The following ZNF316 variants were observed in gnomAD, a reference collection of about 807,000 sequenced individuals.
ZNF316 encodes the protein zinc finger protein 316.
A neutral mutation model predicts 75.6 loss-of-function variants in ZNF316; 23 were observed. The ratio of observed to expected loss-of-function variants is 0.30; its 90% CI spans 0.22 to 0.43. The LOEUF is 0.43. Ranked by LOEUF, ZNF316 falls within the 20% of genes least tolerant of loss-of-function variation. The probability of loss-of-function intolerance (pLI) is 1.00; values close to 1 mark genes in which losing one functional copy is unlikely to be tolerated. For synonymous variants in ZNF316, 827 were observed against 666.2 expected, an observed-to-expected ratio of 1.24 and a Z score of -3.72; for missense variants, 1,266 against 1,409.4, an observed-to-expected ratio of 0.90 and a Z score of 1.63.
chr7:6,645,855 G>A lies in ZNF316; in HGVS notation c.706+1262G>A, dbSNP rs376361749. On this transcript the variant is annotated intron_variant, in intron 8 of 8. Coordinates refer to ENST00000382252, the MANE Select transcript of ZNF316 (RefSeq NM_001278559.2). ...CTAAAAATACAAAAATTAGCTGGGT[G>A]TGGTGGTGCGCGCCTGTAGTCCCAG... Among the ~76,000 whole-genome samples, 10 of 151,710 alleles carry A rather than the reference G, an allele frequency of 6.6e-5. No homozygotes were observed. In the East Asian group the frequency reaches 1.7e-3, roughly 26 times the overall value.
chr7:6,641,249 G>A (rs1177553377), intron 3 of ZNF316, among the ~76,000 whole-genome samples: 1 of 152,356 alleles, frequency 6.6e-6, no homozygotes, highest in East Asian at 1.9e-4. Flanking sequence ...TGGCCAAGTG[G>A]CCTGACATTC....
intron 2 of ZNF316, among the ~76,000 whole-genome samples, chr7:6,638,511 C>G (rs1779258855): frequency 6.6e-6 from 1 of 152,324 alleles, no homozygotes. Flanking sequence ...GAGTTTCTAT[C>G]AACTTTCAAG....
intron 8 of ZNF316, among the ~76,000 whole-genome samples, chr7:6,649,635 C>T (rs1779469448): frequency 1.3e-5 from 2 of 152,140 alleles, no homozygotes; most frequent in South Asian, 4.1e-4. Flanking sequence ...GGACCCTTCC[C>T]AGGGGCCCTG....
rs776046989 is a variant in ZNF316 at position 6,642,105 on chromosome 7, C to G, written c.-29+143C>G. ...CTCCAGGAAAGAGCAGCAGTTCACA[C>G]CAGGCACGTAGTTCTTGGTGAAAAG... On this transcript the variant is annotated intron_variant, in intron 4 of 8. Coordinates refer to ENST00000382252, the MANE Select transcript of ZNF316 (RefSeq NM_001278559.2). The surrounding 1 kb of genome is among the most constrained non-coding windows in gnomAD (Gnocchi z 8.1). The G allele has an allele frequency of 6.6e-6, 2 of 303,320 alleles. No individual in the cohort carries two copies. The highest frequency in any genetic ancestry group is 4.3e-5 in the African/African-American group (2 of 46,588). The allele number at this position is 303,320 out of a possible 1,614,324, so 18.8% of individuals were successfully genotyped here.
chr7:6,644,279 G>T (rs2253770), intron 7 of ZNF316, among the ~76,000 whole-genome samples: 5 of 151,820 alleles, frequency 3.3e-5, no homozygotes, highest in Admixed American at 2.0e-4. Flanking sequence ...GTGTTGGGGG[G>T]GCTTGGTGGG....
intron 8 of ZNF316, among the ~76,000 whole-genome samples, chr7:6,650,936 C>G (rs1055098495): frequency 2.0e-5 from 3 of 152,304 alleles, no homozygotes; most frequent in Middle Eastern, 3.4e-3. Context: ...AGGAGCCCCA[C>G]CGAGCCAGCT....
rs1208264723 is a variant in ZNF316 at position 6,652,743 on chromosome 7, G to C, written c.1147G>C (p.Val383Leu). ...FGCEECGKGFVYRSHLAIHQR... is the reference protein window; with the variant it reads ...FGCEECGKGFLYRSHLAIHQR... Reference sequence around the variant, plus strand: ...CTGCGAGGAGTGCGGCAAGGGCTTCGTGTACCGCTCGCACTTGGCCATCCA... The same window carrying C: ...CTGCGAGGAGTGCGGCAAGGGCTTCCTGTACCGCTCGCACTTGGCCATCCA... Residue 383 changes from valine (V) to leucine (L), a missense_variant, in exon 9 of 9, where the codon GTG (valine) becomes CTG (leucine). Val to Leu is a conservative substitution (Grantham distance 32, BLOSUM62 1). Coordinates refer to ENST00000382252, the MANE Select transcript of ZNF316 (RefSeq NM_001278559.2). 3.2e-6 allele frequency: 4 copies of C among 1,254,294 alleles called. No individual in the cohort carries two copies. The highest frequency in any genetic ancestry group is 3.0e-6 in the Non-Finnish European group (3 of 999,074). The allele number at this position is 1,254,294 out of a possible 1,614,324, so 77.7% of individuals were successfully genotyped here. A position where few individuals can be genotyped will look rare whatever the true frequency, so the allele number is the denominator to read the frequency against.
At position 6,653,283 on chromosome 7, in the gene ZNF316, G is replaced by A; in HGVS notation, c.1687G>A (p.Ala563Thr). The stretch of plus-strand genomic sequence containing the variant: ...GGAGAGAGAGGAGGCGGCGGTGGCG[G>A]CGCCCACCCCCAGCGGCAAGGTGGA... ...AEEREEAAVA[A>T]PTPSGKVDPA... is the part of the protein sequence containing the mutation. Residue 563 changes from alanine to threonine, a missense_variant, in exon 9 of 9, where the codon GCG (alanine) becomes ACG (threonine). Coordinates refer to ENST00000382252, the MANE Select transcript of ZNF316 (RefSeq NM_001278559.2). 2.4e-6 allele frequency: 3 copies of A among 1,227,658 alleles called. No homozygotes were observed. Among genetic ancestry groups the A allele is most frequent in the Non-Finnish European group, 3.0e-6 (3 of 985,966 alleles). 76.0% of individuals were successfully genotyped at this position (1,227,658 alleles called of 1,614,324 possible).
At chr7:6,641,639 C>T (rs1398761025) in intron 3 of ZNF316, among the ~76,000 whole-genome samples, 186 bp from the exon 4 acceptor site, 1 of 152,266 alleles carries the variant, frequency 6.6e-6, no homozygotes, top group Non-Finnish European at 1.5e-5. Flanking sequence ...GCCTCTAGGG[C>T]TTTGGTAAGT....
chr7:6,646,653 A>G (rs977128592), intron 8 of ZNF316, among the ~76,000 whole-genome samples: 2 of 151,974 alleles, frequency 1.3e-5, no homozygotes, highest in Non-Finnish European at 2.9e-5. Context: ...CAGTCTCTGA[A>G]ATGTGATCCA....
chr7:6,643,854 C>T lies in ZNF316; in HGVS notation c.498C>T (p.Tyr166=). 8.1e-7 allele frequency: 1 copy of T among 1,238,498 alleles called. No individual in the cohort carries two copies. The highest frequency in any genetic ancestry group is 1.0e-6 in the Non-Finnish European group (1 of 992,014). The allele number at this position is 1,238,498 out of a possible 1,614,324, so 76.7% of individuals were successfully genotyped here. A position where few individuals can be genotyped will look rare whatever the true frequency, so the allele number is the denominator to read the frequency against. The stretch of plus-strand genomic sequence containing the variant: ...TGACGTTTGAAGATGTGGCTGTGTA[C>T]TTCTCCCTGGAGGAGTGGGAAAGGC... ...ELVTFEDVAV[Y]FSLEEWERLE... The change falls in exon 7 of 9, where the codon TAC becomes TAT. Residue 166 remains tyrosine (Y), a synonymous_variant. Transcript: ENST00000382252.
At chr7:6,646,238 A>C (rs1194229681) in intron 8 of ZNF316, among the ~76,000 whole-genome samples, 1 of 152,116 alleles carries the variant, frequency 6.6e-6, no homozygotes, top group Non-Finnish European at 1.5e-5. Flanking sequence ...TTCTCCAGAT[A>C]CTTGGGGACC....
In ZNF316 at chr7:6,658,116, A is replaced by C. The variant is rs1220635972; in HGVS notation, c.*3505A>C. On this transcript the variant is annotated 3_prime_UTR_variant, in exon 9 of 9. Coordinates refer to ENST00000382252, the MANE Select transcript of ZNF316 (RefSeq NM_001278559.2). ...CCTTTCTCTTTTGCCGGTTTCCCCA[A>C]CCTCCTTCCTTTTCTGATTCATTCC... 1.3e-5 allele frequency among the ~76,000 whole-genome samples: 2 copies of C among 151,396 alleles called. No homozygotes were observed. The highest frequency in any genetic ancestry group is 2.9e-5 in the Non-Finnish European group (2 of 67,894).
chr7:6,644,454 G>A, intron 7 of ZNF316, 26 bp from the exon 8 acceptor site: 1 of 1,219,794 alleles, frequency 8.2e-7, no homozygotes, highest in East Asian at 3.2e-5. Context: ...GGAGCCGCCT[G>A]CAGCCGCCGT....
rs1050516664 is a variant in ZNF316 at position 6,653,438 on chromosome 7, G to A, written c.1842G>A (p.Pro614=). 2.4e-6 allele frequency: 3 copies of A among 1,227,944 alleles called. No homozygotes were observed. The highest frequency in any genetic ancestry group is 1.6e-5 in the African/African-American group (1 of 64,158). The allele number at this position is 1,227,944 out of a possible 1,614,324, so 76.1% of individuals were successfully genotyped here. The change falls in exon 9 of 9, where the codon CCG becomes CCA. Residue 614 remains proline, a synonymous_variant. Coordinates refer to ENST00000382252, the MANE Select transcript of ZNF316 (RefSeq NM_001278559.2). ...PKSWLHPDSF[P]ILGLPDFRER... The stretch of plus-strand genomic sequence containing the variant: ...CCTGGCTGCACCCGGACAGCTTCCC[G>A]ATCCTGGGCCTACCCGACTTCCGAG...
At chr7:6,648,951 G>T (rs139491350) in intron 8 of ZNF316, among the ~76,000 whole-genome samples, 3 of 152,154 alleles carry the variant, frequency 2.0e-5, no homozygotes, top group Non-Finnish European at 4.4e-5. Context: ...TGGGGGGATC[G>T]TTCCTGTGAC....
chr7:6,657,037 C>T lies in ZNF316; in HGVS notation c.*2426C>T, dbSNP rs187797456. ...GCAATCTAATGCTTCTTTTCTTGCC[C>T]AGGCTGGAGTGCAGGGCGTGATCTC... On this transcript the variant is annotated 3_prime_UTR_variant, in exon 9 of 9. Transcript: ENST00000382252. 2.6e-4 allele frequency among the ~76,000 whole-genome samples: 39 copies of T among 152,238 alleles called. No individual in the cohort carries two copies. Among genetic ancestry groups the T allele is most frequent in the African/African-American group, 8.7e-4 (36 of 41,540 alleles).
At chr7:6,647,672 G>A (rs1779431733) in intron 8 of ZNF316, among the ~76,000 whole-genome samples, 1 of 152,248 alleles carries the variant, frequency 6.6e-6, no homozygotes, top group Non-Finnish European at 1.5e-5. Flanking sequence ...ACTCGCCGTG[G>A]GGCCCAGGTC....
At chr7:6,643,137 A>T (rs971090043) in intron 6 of ZNF316, 64 bp downstream of exon 6, 4 of 1,231,006 alleles carry the variant, frequency 3.2e-6, no homozygotes, top group Admixed American at 4.2e-5. Flanking sequence ...GGGCCTCGGC[A>T]CCTGCTGTTT....
Sources: allele counts gnomAD v4.1 joint callset (sites outside exome capture counted in the v4.1 genomes callset), GRCh38; gene constraint gnomAD v4.1.1; non-coding constraint Gnocchi (gnomAD v3.1); transcripts MANE v1.5; gene names NCBI Gene and HGNC (gene_info 2026-07-23, HGNC 2026-07-21).